RBM41: variants seen among roughly 807,000 people sequenced by gnomAD.
RBM41 encodes RNA-binding protein 41.
In RBM41, 14 loss-of-function variants were observed where a neutral mutation model predicts 30.8. That is an observed-to-expected ratio of 0.45 (90% CI 0.30 to 0.71). The LOEUF is 0.71. RBM41 is among the 30% of genes least tolerant of loss of function. The pLI, the probability that RBM41 is intolerant of heterozygous loss-of-function variation, is 0.08. For missense variants in RBM41, 276 were observed against 326.3 expected (o/e 0.85, Z 1.19); for synonymous variants, 120 against 110.1 (o/e 1.09, Z -0.56).
At chrX:107,059,153 T>C (rs1159645119), downstream of RBM41, among the ~76,000 whole-genome samples, 1 of 111,584 alleles carries the variant, frequency 9.0e-6, no homozygotes, top group Non-Finnish European at 1.9e-5. Context: ...ATTAACCCCA[T>C]CCTGAGGCCT....
chrX:107,091,628 C>T (rs1028507433), intron 5 of RBM41, among the ~76,000 whole-genome samples: 2 of 111,832 alleles, frequency 1.8e-5, no homozygotes, highest in South Asian at 7.4e-4. Flanking sequence ...CCCTTCATTC[C>T]CCATAAATAA....
downstream of RBM41, among the ~76,000 whole-genome samples, chrX:107,060,536 C>T (rs1351291364): frequency 9.0e-6 from 1 of 111,558 alleles, no homozygotes; most frequent in Non-Finnish European, 1.9e-5. Context: ...TAGCCTTCAC[C>T]AGACACTGAA....
At chrX:107,085,619 G>C (rs1921971189) in intron 6 of RBM41, among the ~76,000 whole-genome samples, 1 of 111,464 alleles carries the variant, frequency 9.0e-6, no homozygotes, top group Admixed American at 9.5e-5. Context: ...AGCATTCTAA[G>C]TACTAAATGT....
At chrX:107,053,215 T>C in the RBM41 span, among the ~76,000 whole-genome samples, 3 of 113,518 alleles carry the variant, frequency 2.6e-5, no homozygotes, top group South Asian at 1.1e-3. Context: ...TACGACATGA[T>C]TGTATAAATC....
At chrX:107,093,625 G>T (rs770722489) in intron 5 of RBM41, among the ~76,000 whole-genome samples, 10 of 111,983 alleles carry the variant, frequency 8.9e-5, no homozygotes, top group African/African-American at 2.6e-4. Flanking sequence ...AGCTTTAAAT[G>T]CCTGTATTGG....
intron 6 of RBM41, chrX:107,069,899 G>T: frequency 8.1e-6 from 1 of 123,196 alleles, no homozygotes; most frequent in Non-Finnish European, 1.6e-5. Context: ...AAATCAACAA[G>T]GTCAGGAGGA....
intron 5 of RBM41, among the ~76,000 whole-genome samples, chrX:107,098,011 G>T (rs1923130151): frequency 9.0e-6 from 1 of 111,651 alleles, no homozygotes. Context: ...AAAAATCACT[G>T]AATTGAACAC....
In RBM41 at chrX:107,066,883, T is replaced by C. The variant is rs1189903184; in HGVS notation, c.*644A>G. On this transcript the variant is annotated 3_prime_UTR_variant, in exon 8 of 8. Transcript: ENST00000685964. Reference sequence around the variant, plus strand: ...CTATGAATTCAATGATACTCAATGGTTGCTAGCTTAAATGGCTGTGAGAAC... The same window carrying C: ...CTATGAATTCAATGATACTCAATGGCTGCTAGCTTAAATGGCTGTGAGAAC... The C allele has an allele frequency of 5.4e-6, 4 of 736,461 alleles. No homozygotes were observed. The highest frequency in any genetic ancestry group is 2.3e-5 in the African/African-American group (1 of 42,873). 60.7% of individuals were successfully genotyped at this position (736,461 alleles called of 1,213,427 possible). A position where few individuals can be genotyped will look rare whatever the true frequency, so the allele number is the denominator to read the frequency against.
At chrX:107,087,038 C>T (rs1452437517) in intron 6 of RBM41, among the ~76,000 whole-genome samples, 2 of 110,982 alleles carry the variant, frequency 1.8e-5, no homozygotes, top group African/African-American at 6.6e-5. Flanking sequence ...AAAACGTGCA[C>T]AGGAATTATA....
chrX:107,080,776 A>G (rs1484732508), intron 6 of RBM41, among the ~76,000 whole-genome samples: 1 of 112,018 alleles, frequency 8.9e-6, no homozygotes, highest in Non-Finnish European at 1.9e-5. Flanking sequence ...GATGACAAAT[A>G]AAGATGAGCT....
chrX:107,056,135 T>G, the RBM41 span, among the ~76,000 whole-genome samples: 2 of 112,234 alleles, frequency 1.8e-5, no homozygotes, highest in Non-Finnish European at 3.8e-5. Flanking sequence ...ATGACTTTTC[T>G]GCATTAAATG....
chrX:107,103,211 T>C (rs1923610890), intron 5 of RBM41, among the ~76,000 whole-genome samples: 1 of 111,344 alleles, frequency 9.0e-6, no homozygotes, highest in African/African-American at 3.3e-5. Context: ...CTAAAATTCA[T>C]GTCCACCTCA....
intron 5 of RBM41, among the ~76,000 whole-genome samples, chrX:107,103,373 G>A (rs1923626925): frequency 9.0e-6 from 1 of 110,970 alleles, no homozygotes; most frequent in African/African-American, 3.3e-5. Context: ...AGAATGCTAT[G>A]TGATGACAGA....
At chrX:107,052,907 G>C in the RBM41 span, among the ~76,000 whole-genome samples, 3 of 111,886 alleles carry the variant, frequency 2.7e-5, no homozygotes, top group Non-Finnish European at 5.6e-5. Context: ...ATTCTGGATT[G>C]ATTAACATAA....
At chrX:107,104,006 C>G (rs1923709848) in intron 5 of RBM41, among the ~76,000 whole-genome samples, 2 of 110,781 alleles carry the variant, frequency 1.8e-5, no homozygotes, top group Admixed American at 9.7e-5. Flanking sequence ...TAGCTTGAAA[C>G]TGGCTATGGT....
At chrX:107,056,101 C>T in the RBM41 span, among the ~76,000 whole-genome samples, 3 of 111,790 alleles carry the variant, frequency 2.7e-5, no homozygotes, top group Non-Finnish European at 3.8e-5. Flanking sequence ...GTTTTTATCA[C>T]GAAAGGGTAT....
intron 1 of RBM41, among the ~76,000 whole-genome samples, chrX:107,118,532 C>T (rs905023560): frequency 1.8e-5 from 2 of 111,073 alleles, no homozygotes; most frequent in Admixed American, 1.9e-4. Context: ...GGGGCCCGTG[C>T]CGGGAGGGCA....
chrX:107,111,656 T>C (rs1020028349), intron 5 of RBM41, among the ~76,000 whole-genome samples: 1 of 111,707 alleles, frequency 9.0e-6, no homozygotes, highest in South Asian at 3.7e-4. Context: ...CATCCATCAA[T>C]TGATAAACAA....
At position 107,064,480 on chromosome X, in the gene RBM41, T is replaced by A. The variant is rs974332662; in HGVS notation, c.*3047A>T. The A allele has an allele frequency of 7.4e-5, 8 of 108,293 alleles. No individual in the cohort carries two copies. The highest frequency in any genetic ancestry group is 2.7e-4 in the African/African-American group (8 of 29,594). The allele number at this position is 108,293 out of a possible 1,213,427, so 8.9% of individuals were successfully genotyped here. On this transcript the variant is annotated 3_prime_UTR_variant, in exon 8 of 8. Transcript: ENST00000685964. ...GTCTTGAATTCCTGGTCTCAAGGGA[T>A]CCAAGGAATCCTCCCACTTCGGCCT...
Sources: allele counts gnomAD v4.1 joint callset (sites outside exome capture counted in the v4.1 genomes callset), GRCh38; gene constraint gnomAD v4.1.1; transcripts MANE v1.5; gene names NCBI Gene and HGNC (gene_info 2026-07-23, HGNC 2026-07-21).